Variants in CDIN1 observed in about 807,000 individuals in gnomAD.
CDIN1 encodes the protein CDAN1-interacting nuclease 1.
In CDIN1, 33 loss-of-function variants were observed where a neutral mutation model predicts 45.3. The ratio of observed to expected loss-of-function variants is 0.73; its 90% CI spans 0.55 to 0.97. The LOEUF is 0.97. CDIN1 is among the 50% of genes least tolerant of loss of function. The pLI, the probability that CDIN1 is intolerant of heterozygous loss-of-function variation, is 0.00. For missense variants in CDIN1, 303 were observed against 339.4 expected (o/e 0.89, Z 0.84); for synonymous variants, 118 against 124.4 (o/e 0.95, Z 0.34).
chr15:36,781,795 ACTCCC>A (rs2054359928), intron 10 of CDIN1, among the ~76,000 whole-genome samples: 1 of 151,722 alleles, frequency 6.6e-6, no homozygotes, highest in Non-Finnish European at 1.5e-5. Context: ...GATCTCAGTT[ACTCCC>A]TCACTTCTTC....
intron 10 of CDIN1, among the ~76,000 whole-genome samples, chr15:36,769,491 G>A (rs896422478): frequency 5.9e-5 from 9 of 152,116 alleles, no homozygotes; most frequent in Non-Finnish European, 1.3e-4. Flanking sequence ...CCCCACCCAC[G>A]TTACAGAGGG....
At chr15:36,655,355 T>TCTCA (rs1261568651) in intron 4 of CDIN1, among the ~76,000 whole-genome samples, 2 of 150,354 alleles carry the variant, frequency 1.3e-5, no homozygotes, top group Non-Finnish European at 3.0e-5. Context: ...TGAGACAGAG[T>TCTCA]CTCACTCTGT....
chr15:36,614,340 C>A, intron 1 of CDIN1: 1 of 541,910 alleles, frequency 1.8e-6, no homozygotes, highest in Non-Finnish European at 3.6e-6. Flanking sequence ...CCCCTTCTCC[C>A]CTGTGGCTTT....
chr15:36,664,580 C>T (rs2140500433), intron 5 of CDIN1, among the ~76,000 whole-genome samples: 1 of 151,998 alleles, frequency 6.6e-6, no homozygotes, highest in Admixed American at 6.6e-5. Context: ...CGGAGTCTCG[C>T]TCTGTCGCCA....
intron 3 of CDIN1, among the ~76,000 whole-genome samples, chr15:36,645,516 G>GTGTT (rs951662660): frequency 1.3e-5 from 2 of 151,714 alleles, no homozygotes; most frequent in Non-Finnish European, 2.9e-5. Flanking sequence ...GTGTGTGTGT[G>GTGTT]TGTGTGTGTG....
intron 1 of CDIN1, among the ~76,000 whole-genome samples, chr15:36,595,306 T>TATAATA (rs1439501403): frequency 1.5e-5 from 2 of 133,514 alleles, no homozygotes; most frequent in Admixed American, 7.1e-5. Flanking sequence ...TATAATATAA[T>TATAATA]ATAATATAAT....
intron 1 of CDIN1, among the ~76,000 whole-genome samples, chr15:36,633,735 A>G (rs1345683602): frequency 1.3e-5 from 2 of 150,532 alleles, no homozygotes; most frequent in East Asian, 3.9e-4. Context: ...TATTTACACT[A>G]TCATTCCACC....
chr15:36,628,872 G>A (rs2039562652), intron 1 of CDIN1, among the ~76,000 whole-genome samples: 1 of 152,176 alleles, frequency 6.6e-6, no homozygotes, highest in Non-Finnish European at 1.5e-5. Flanking sequence ...ATACCAGGAT[G>A]GGCCCTAAAT....
At chr15:36,636,180 GAC>G (rs879848285) in intron 1 of CDIN1, among the ~76,000 whole-genome samples, 3 of 152,122 alleles carry the variant, frequency 2.0e-5, no homozygotes, top group Non-Finnish European at 4.4e-5. Context: ...AGAGGAATGA[GAC>G]AGATTGTCAT....
intron 10 of CDIN1, among the ~76,000 whole-genome samples, chr15:36,734,977 C>T (rs745794847): frequency 1.4e-4 from 22 of 152,158 alleles, no homozygotes; most frequent in Non-Finnish European, 2.8e-4. Flanking sequence ...TTAGCTCACA[C>T]AGGGATGTAG....
chr15:36,692,989 C>G (rs1430331461), intron 7 of CDIN1, among the ~76,000 whole-genome samples: 1 of 151,880 alleles, frequency 6.6e-6, no homozygotes, highest in Non-Finnish European at 1.5e-5. Context: ...TGAATTTCAC[C>G]CCTCTTAATA....
rs918204961 is a variant in CDIN1 at position 36,654,101 on chromosome 15, C to G, written c.216C>G (p.Tyr72Ter). ...CACTTGGCTTTGTCTTGTCTAGGTACCTGAATGGAGTGGTGAAAAATGGAG... is the reference window on the plus strand; with the variant it reads ...CACTTGGCTTTGTCTTGTCTAGGTAGCTGAATGGAGTGGTGAAAAATGGAG... Reference protein sequence around the residue: ...SEAIESYYQRYLNGVVKNGAA... With the variant: ...SEAIESYYQR The change falls in exon 4 of 11, where the codon TAC becomes TAG. Residue 72 changes from tyrosine to a stop codon, truncating the protein, a stop_gained. Coordinates refer to ENST00000566621, the MANE Select transcript of CDIN1 (RefSeq NM_001321759.2). LOFTEE classifies it high-confidence loss of function. The G allele has an allele frequency of 6.3e-7, 1 of 1,577,190 alleles. No individual in the cohort carries two copies. Among genetic ancestry groups the G allele is most frequent in the Admixed American group, 1.8e-5 (1 of 54,864 alleles).
chr15:36,704,139 T>C (rs1421193340), intron 8 of CDIN1, among the ~76,000 whole-genome samples: 1 of 152,180 alleles, frequency 6.6e-6, no homozygotes, highest in East Asian at 1.9e-4. Context: ...TTTCCACAGC[T>C]ACCAGTTGCC....
chr15:36,625,149 C>T (rs1028998314), intron 1 of CDIN1, among the ~76,000 whole-genome samples: 10 of 151,940 alleles, frequency 6.6e-5, no homozygotes, highest in South Asian at 2.1e-4. Context: ...GGTGTGGTGG[C>T]GGGCACCTGT....
intron 1 of CDIN1, among the ~76,000 whole-genome samples, chr15:36,581,596 G>A (rs2037048126): frequency 1.3e-5 from 2 of 152,194 alleles, no homozygotes; most frequent in Admixed American, 6.5e-5. Context: ...AGCTATTTAG[G>A]GCTGGGTGTG....
rs139444685 is a variant in CDIN1 at position 36,692,111 on chromosome 15, C to G, written c.427-15C>G. ...AGCCGCCCCACCCCAGACCCCTTTT[C>G]TTATTTGTCTGCAGTGCATTGTGAA... On this transcript the variant is annotated splice_polypyrimidine_tract_variant and intron_variant, in intron 6 of 10. Coordinates refer to ENST00000566621, the MANE Select transcript of CDIN1 (RefSeq NM_001321759.2). 4.1e-3 allele frequency: 6,637 copies of G among 1,613,218 alleles called. 14 individuals carry two copies. The highest frequency in any genetic ancestry group is 5.0e-3 in the Non-Finnish European group (5,902 of 1,179,500).
chr15:36,719,677 A>C (rs544327645), intron 10 of CDIN1, among the ~76,000 whole-genome samples: 15 of 152,148 alleles, frequency 9.9e-5, no homozygotes, highest in African/African-American at 3.4e-4. Flanking sequence ...AATTTTTTTG[A>C]AAAGTTGGCA....
Position 36,744,294 on chromosome 15 carries a change from C to T in CDIN1, c.716+34333C>T, listed in dbSNP as rs576057945. ...CATAGGGGAGCAAATGTCAACCAGC[C>T]ACATTAGCATCTTTTTTATGTTCAT... On this transcript the variant is annotated intron_variant, in intron 10 of 10. Transcript: ENST00000566621. Among the ~76,000 whole-genome samples, 11 of 152,282 alleles carry T rather than the reference C, an allele frequency of 7.2e-5. 1 individual carries two copies. The South Asian group carries it at 2.3e-3, about 32-fold the overall frequency.
At chr15:36,687,820 A>G (rs1354132215) in intron 5 of CDIN1, among the ~76,000 whole-genome samples, 1 of 152,194 alleles carries the variant, frequency 6.6e-6, no homozygotes. Context: ...TTCTGAAGAC[A>G]TATAAAACAT....
Sources: allele counts gnomAD v4.1 joint callset (sites outside exome capture counted in the v4.1 genomes callset), GRCh38; gene constraint gnomAD v4.1.1; transcripts MANE v1.5; gene names NCBI Gene and HGNC (gene_info 2026-07-23, HGNC 2026-07-21).